The following ARL6IP6 variants were observed in gnomAD, a reference collection of about 807,000 sequenced individuals.
ARL6IP6 encodes the protein ADP-ribosylation factor-like protein 6-interacting protein 6.
ARL6IP6 carries 22 observed loss-of-function variants against 21.5 expected under a neutral mutation model. The observed-to-expected ratio is 1.02, with a 90% confidence interval of 0.73 to 1.46. The LOEUF (loss-of-function observed/expected upper bound fraction) is 1.46, where lower values mean the gene tolerates loss of function less well. ARL6IP6 is among the 40% of genes most tolerant of loss of function. The pLI, the probability that ARL6IP6 is intolerant of heterozygous loss-of-function variation, is 0.00. For missense variants in ARL6IP6, 388 were observed against 299.8 expected (o/e 1.29, Z -2.17); for synonymous variants, 164 against 125.3 (o/e 1.31, Z -2.06).
At chr2:152,723,014 T>A (rs547292675) in intron 2 of ARL6IP6, among the ~76,000 whole-genome samples, 1 of 152,228 alleles carries the variant, frequency 6.6e-6, no homozygotes, top group East Asian at 1.9e-4. Flanking sequence ...ATTTACAGAA[T>A]GTTTTGAATT....
At chr2:152,725,251 T>C (rs1699986651) in intron 2 of ARL6IP6, among the ~76,000 whole-genome samples, 1 of 152,224 alleles carries the variant, frequency 6.6e-6, no homozygotes, top group Non-Finnish European at 1.5e-5. Flanking sequence ...TCACATATTG[T>C]TCTTTCTCAA....
At chr2:152,749,745 A>G (rs1289425798) in intron 3 of ARL6IP6, among the ~76,000 whole-genome samples, 1 of 151,996 alleles carries the variant, frequency 6.6e-6, no homozygotes, top group African/African-American at 2.4e-5. Context: ...TAGAGCTTGA[A>G]CTCTTAACCA....
chr2:152,727,907 T>G (rs2450), intron 2 of ARL6IP6, among the ~76,000 whole-genome samples: 30,825 of 152,192 alleles, frequency 0.2, 4,030 homozygotes, highest in Non-Finnish European at 0.3. Flanking sequence ...TTTTCATTGT[T>G]AGTATCATAA....
chr2:152,727,793 A>T (rs958594408), intron 2 of ARL6IP6, among the ~76,000 whole-genome samples: 1 of 152,244 alleles, frequency 6.6e-6, no homozygotes, highest in Non-Finnish European at 1.5e-5. Context: ...CTATATACCT[A>T]GGTTTTTGTA....
At chr2:152,718,134 T>A, upstream of ARL6IP6, 4 of 876,638 alleles carry the variant, frequency 4.6e-6, no homozygotes, top group Non-Finnish European at 5.5e-6. Flanking sequence ...AGAGGTGCCC[T>A]TAATGGGGGA....
At chr2:152,719,075 G>T (rs370321895) in intron 1 of ARL6IP6, 51 bp downstream of exon 1, 225 of 1,461,744 alleles carry the variant, frequency 1.5e-4, no homozygotes, top group Non-Finnish European at 2.0e-4. Flanking sequence ...TTGAGCCAGG[G>T]TGTGGCTCTC....
chr2:152,750,367 T>C (rs1361946169), intron 3 of ARL6IP6, among the ~76,000 whole-genome samples: 1 of 151,746 alleles, frequency 6.6e-6, no homozygotes, highest in Non-Finnish European at 1.5e-5. Flanking sequence ...CCCCAGCTAC[T>C]TGGAAGGCTG....
intron 2 of ARL6IP6, among the ~76,000 whole-genome samples, chr2:152,724,230 A>G (rs976899337): frequency 3.9e-5 from 6 of 152,108 alleles, no homozygotes; most frequent in African/African-American, 9.7e-5. Context: ...TCTACAATGT[A>G]TAAGTGTAAC....
intron 3 of ARL6IP6, among the ~76,000 whole-genome samples, chr2:152,749,550 A>G (rs1244277888): frequency 6.6e-6 from 1 of 152,194 alleles, no homozygotes; most frequent in Non-Finnish European, 1.5e-5. Context: ...TATAGCTAAG[A>G]TGTATTGATC....
intron 2 of ARL6IP6, among the ~76,000 whole-genome samples, chr2:152,729,105 C>T (rs1225071956): frequency 6.6e-6 from 1 of 151,888 alleles, no homozygotes; most frequent in Non-Finnish European, 1.5e-5. Flanking sequence ...GGCACAGTTG[C>T]TCACGCCTGT....
At chr2:152,730,044 CT>C (rs1048046054) in intron 2 of ARL6IP6, among the ~76,000 whole-genome samples, 4 of 152,310 alleles carry the variant, frequency 2.6e-5, no homozygotes, top group African/African-American at 9.6e-5. Flanking sequence ...ATCATAAACA[CT>C]TCTAGACCAC....
intron 3 of ARL6IP6, among the ~76,000 whole-genome samples, chr2:152,754,575 A>G: frequency 6.6e-6 from 1 of 152,144 alleles, no homozygotes; most frequent in East Asian, 1.9e-4. Context: ...TCTTGGATAT[A>G]TACCTAGAGT....
chr2:152,751,644 G>C (rs1207549676), intron 3 of ARL6IP6, among the ~76,000 whole-genome samples: 2 of 151,898 alleles, frequency 1.3e-5, no homozygotes, highest in African/African-American at 2.4e-5. Context: ...ATCTTCTTAT[G>C]CCTGACTTAT....
At chr2:152,752,857 T>C (rs1223894735) in intron 3 of ARL6IP6, among the ~76,000 whole-genome samples, 3 of 152,330 alleles carry the variant, frequency 2.0e-5, no homozygotes, top group South Asian at 2.1e-4. Context: ...TGTGCCTTAA[T>C]TGGCTTTAGG....
chr2:152,755,234 G>A (rs1574071367), intron 3 of ARL6IP6, among the ~76,000 whole-genome samples: 1 of 152,154 alleles, frequency 6.6e-6, no homozygotes, highest in Non-Finnish European at 1.5e-5. Flanking sequence ...GTTGCCAAGC[G>A]GACCATGGTC....
intron 2 of ARL6IP6, among the ~76,000 whole-genome samples, chr2:152,730,735 C>G (rs1316991514): frequency 6.6e-6 from 1 of 152,014 alleles, no homozygotes; most frequent in Non-Finnish European, 1.5e-5. Context: ...GATGGTGTTT[C>G]AGATGTGGCA....
intron 2 of ARL6IP6, among the ~76,000 whole-genome samples, chr2:152,724,224 C>T (rs1435549107): frequency 6.6e-6 from 1 of 151,294 alleles, no homozygotes; most frequent in Non-Finnish European, 1.5e-5. Context: ...TTATTTTCTA[C>T]AATGTATAAG....
At chr2:152,729,632 AT>A (rs1700209306) in intron 2 of ARL6IP6, among the ~76,000 whole-genome samples, 1 of 152,204 alleles carries the variant, frequency 6.6e-6, no homozygotes, top group African/African-American at 2.4e-5. Context: ...GGTCTCCAGA[AT>A]ATGTGAAAAA....
At chr2:152,724,127 A>T (rs972798615) in intron 2 of ARL6IP6, among the ~76,000 whole-genome samples, 77 of 98,838 alleles carry the variant, frequency 7.8e-4, no homozygotes, top group Non-Finnish European at 2.1e-3. Flanking sequence ...AAAAAAAAAA[A>T]GAGAGAAAGC....
Sources: allele counts gnomAD v4.1 joint callset (sites outside exome capture counted in the v4.1 genomes callset), GRCh38; gene constraint gnomAD v4.1.1; transcripts MANE v1.5; gene names NCBI Gene and HGNC (gene_info 2026-07-23, HGNC 2026-07-21).